Variants in SUSD6 observed in about 807,000 individuals in gnomAD.
SUSD6 encodes the protein sushi domain containing 6.
A neutral mutation model predicts 28.4 loss-of-function variants in SUSD6; 16 were observed. That is an observed-to-expected ratio of 0.56 (90% CI 0.38 to 0.86). The LOEUF is 0.86. SUSD6 is among the 40% of genes least tolerant of loss of function. The pLI is 0.00. For synonymous variants in SUSD6, 147 were observed against 159.6 expected (o/e 0.92, Z 0.59); for missense variants, 341 against 384.2 (o/e 0.89, Z 0.94).
intron 2 of SUSD6, among the ~76,000 whole-genome samples, chr14:69,667,222 G>T (rs1248463438): frequency 6.6e-6 from 1 of 152,128 alleles, no homozygotes; most frequent in East Asian, 1.9e-4. Flanking sequence ...GGGTTTGGTG[G>T]CAGATAGGAG....
Position 69,656,935 on chromosome 14 carries a change from T to A in SUSD6, c.-80-1578T>A, listed in dbSNP as rs1885592194. 3.9e-5 allele frequency among the ~76,000 whole-genome samples: 6 copies of A among 152,234 alleles called. No individual in the cohort carries two copies. In the South Asian group the frequency reaches 1.2e-3, roughly 31 times the overall value. ...GCATGAACCATCCCTGTTCTACAGT[T>A]TTAAAGGCTCAAACTGGAGTCTGGG... On this transcript the variant is annotated intron_variant, in intron 1 of 5. Transcript: ENST00000342745.
rs1172198453 is a variant in SUSD6 at position 69,715,094 on chromosome 14, T to C, written c.*4115T>C. ...GTTTAATTTAATTTTAATTGTTCTATGTATATAACTGCATTTCTAAATAAT... is the reference window on the plus strand; with the variant it reads ...GTTTAATTTAATTTTAATTGTTCTACGTATATAACTGCATTTCTAAATAAT... On this transcript the variant is annotated 3_prime_UTR_variant, in exon 6 of 6. Transcript: ENST00000342745. 1 of 152,222 alleles carries C rather than the reference T, an allele frequency of 6.6e-6. No individual in the cohort carries two copies. Among genetic ancestry groups the C allele is most frequent in the African/African-American group, 2.4e-5 (1 of 41,462 alleles). The allele number at this position is 152,222 out of a possible 1,614,324, so 9.4% of individuals were successfully genotyped here.
At chr14:69,628,509 A>G (rs1885147794) in intron 1 of SUSD6, among the ~76,000 whole-genome samples, 1 of 152,202 alleles carries the variant, frequency 6.6e-6, no homozygotes, top group South Asian at 2.1e-4. Flanking sequence ...AGTATCCCAG[A>G]AAAGAAAGAA....
intron 5 of SUSD6, among the ~76,000 whole-genome samples, chr14:69,709,321 GA>G (rs1886430683): frequency 1.3e-5 from 2 of 152,184 alleles, no homozygotes; most frequent in Non-Finnish European, 2.9e-5. Context: ...TGTGAATTCT[GA>G]TCGTTTGGAG....
At chr14:69,706,627 A>AT (rs1212056882) in intron 4 of SUSD6, among the ~76,000 whole-genome samples, 1 of 151,672 alleles carries the variant, frequency 6.6e-6, no homozygotes, top group African/African-American at 2.4e-5. Context: ...TACCCAGCTA[A>AT]TTTTTTTGTA....
intron 1 of SUSD6, among the ~76,000 whole-genome samples, chr14:69,630,212 G>T (rs1170044472): frequency 6.6e-6 from 1 of 152,194 alleles, no homozygotes; most frequent in Non-Finnish European, 1.5e-5. Flanking sequence ...AAAAAAACTT[G>T]CCGAGGATGG....
In SUSD6 at chr14:69,687,819, A is replaced by G. The variant is rs577052441; in HGVS notation, c.122-15576A>G. 5.5e-4 allele frequency among the ~76,000 whole-genome samples: 84 copies of G among 152,328 alleles called. 2 individuals are homozygous for G. In the South Asian group the frequency reaches 0.017, roughly 32 times the overall value. On this transcript the variant is annotated intron_variant, in intron 2 of 5. Coordinates refer to ENST00000342745, the MANE Select transcript of SUSD6 (RefSeq NM_014734.4). ...ATTAAGAGAATTCAGCTGTGGCACC[A>G]GCTGGGGATGTCTGGCTTTGTGGAA...
At chr14:69,685,024 T>G (rs1886051910) in intron 2 of SUSD6, among the ~76,000 whole-genome samples, 1 of 152,250 alleles carries the variant, frequency 6.6e-6, no homozygotes. Flanking sequence ...GGCCTGACTT[T>G]CAGTGGCTCT....
chr14:69,660,459 A>G (rs1012594689), intron 2 of SUSD6, among the ~76,000 whole-genome samples: 1 of 152,160 alleles, frequency 6.6e-6, no homozygotes, highest in Admixed American at 6.5e-5. Context: ...TGTGGCCATC[A>G]TGGTTATATG....
intron 2 of SUSD6, among the ~76,000 whole-genome samples, chr14:69,672,997 G>A (rs1429974310): frequency 1.3e-5 from 2 of 152,298 alleles, no homozygotes; most frequent in Middle Eastern, 3.4e-3. Flanking sequence ...GGGCAGTTCC[G>A]TCCTCACCTT....
intron 5 of SUSD6, among the ~76,000 whole-genome samples, chr14:69,710,683 C>T (rs1886449507): frequency 6.6e-6 from 1 of 152,146 alleles, no homozygotes; most frequent in Admixed American, 6.5e-5. Context: ...AGGGAAGTGA[C>T]TAGACCAGCA....
chr14:69,673,009 T>C (rs983690776), intron 2 of SUSD6, among the ~76,000 whole-genome samples: 6 of 152,234 alleles, frequency 3.9e-5, no homozygotes, highest in East Asian at 1.9e-4. Context: ...CCTCACCTTT[T>C]GTACTCTCTT....
At chr14:69,682,947 CTTTTTTTTTTTTT>C (rs5809442) in intron 2 of SUSD6, among the ~76,000 whole-genome samples, 1 of 62,668 alleles carries the variant, frequency 1.6e-5, no homozygotes, top group East Asian at 5.2e-4. Context: ...TCCAAGAAGC[CTTTTTTTTTTTTT>C]TTTTTTTTTT....
intron 2 of SUSD6, among the ~76,000 whole-genome samples, chr14:69,667,626 G>A (rs376431081): frequency 5.3e-5 from 8 of 150,940 alleles, no homozygotes; most frequent in Non-Finnish European, 8.9e-5. Context: ...CTTGTGATCC[G>A]CCCGCCTCAG....
chr14:69,657,492 G>A (rs149571612), intron 1 of SUSD6, among the ~76,000 whole-genome samples: 101 of 152,106 alleles, frequency 6.6e-4, no homozygotes, highest in African/African-American at 2.2e-3. Flanking sequence ...AGTATCCCTG[G>A]CAGAGTCCCA....
chr14:69,687,572 A>G (rs1886091614), intron 2 of SUSD6, among the ~76,000 whole-genome samples: 1 of 152,254 alleles, frequency 6.6e-6, no homozygotes, highest in Non-Finnish European at 1.5e-5. Context: ...CAAACTCTCT[A>G]GTTTCAATCC....
At chr14:69,703,852 A>T (rs1428747564) in intron 3 of SUSD6, 1 of 542,406 alleles carries the variant, frequency 1.8e-6, no homozygotes, top group African/African-American at 1.9e-5. Context: ...TCTTGTTTGC[A>T]TGGCCAAGTG....
chr14:69,701,907 A>G (rs748924363), intron 2 of SUSD6, among the ~76,000 whole-genome samples: 1 of 152,188 alleles, frequency 6.6e-6, no homozygotes, highest in Non-Finnish European at 1.5e-5. Flanking sequence ...GTAGGGAGCC[A>G]TCATCTCTTT....
At chr14:69,676,001 CT>C (rs1885902617) in intron 2 of SUSD6, among the ~76,000 whole-genome samples, 1 of 152,172 alleles carries the variant, frequency 6.6e-6, no homozygotes, top group Non-Finnish European at 1.5e-5. Flanking sequence ...ACTTCAACCA[CT>C]TAAGTGTTAA....
Sources: allele counts gnomAD v4.1 joint callset (sites outside exome capture counted in the v4.1 genomes callset), GRCh38; gene constraint gnomAD v4.1.1; transcripts MANE v1.5; gene names NCBI Gene and HGNC (gene_info 2026-07-23, HGNC 2026-07-21).